Variants in SYT7 observed in about 807,000 individuals in gnomAD.
SYT7 encodes synaptotagmin 7, also known as synaptotagmin-7.
A neutral mutation model predicts 75.1 loss-of-function variants in SYT7; 29 were observed. That is an observed-to-expected ratio of 0.39 (90% CI 0.29 to 0.53). The LOEUF (loss-of-function observed/expected upper bound fraction) is 0.53. SYT7 is among the 20% of genes least tolerant of loss of function. The probability of loss-of-function intolerance (pLI) is 0.77; values close to 1 mark genes in which losing one functional copy is unlikely to be tolerated. For missense variants in SYT7, 693 were observed against 953.2 expected (o/e 0.73, Z 3.59); for synonymous variants, 376 against 401.7 (o/e 0.94, Z 0.76).
At chr11:61,539,776 G>T (rs1194172382) in intron 6 of SYT7, 1 of 152,170 alleles carries the variant, frequency 6.6e-6, no homozygotes, top group Non-Finnish European at 1.5e-5. Flanking sequence ...TTACCTCTGG[G>T]GTCTCAGTGA....
intron 1 of SYT7, among the ~76,000 whole-genome samples, chr11:61,559,944 A>T (rs1317120576): frequency 1.3e-5 from 2 of 152,226 alleles, no homozygotes; most frequent in Non-Finnish European, 2.9e-5. Context: ...CTAACCAGCC[A>T]TGTGGCCAGC....
chr11:61,564,811 G>A (rs2063724796), intron 1 of SYT7, among the ~76,000 whole-genome samples: 1 of 152,150 alleles, frequency 6.6e-6, no homozygotes, highest in South Asian at 2.1e-4. Flanking sequence ...ACCTTTTCTG[G>A]GGCTCCTTCC....
At chr11:61,564,163 G>A (rs188655533) in intron 1 of SYT7, among the ~76,000 whole-genome samples, 1 of 152,296 alleles carries the variant, frequency 6.6e-6, no homozygotes, top group South Asian at 2.1e-4. Flanking sequence ...CTGTAGCCTA[G>A]GTCAAGGTAC....
chr11:61,570,060 G>A (rs945955139), intron 1 of SYT7, among the ~76,000 whole-genome samples: 3 of 152,242 alleles, frequency 2.0e-5, no homozygotes, highest in Non-Finnish European at 2.9e-5. Context: ...ACAGCAACAC[G>A]ACCAGGAACT....
At chr11:61,559,279 G>C (rs943438888) in intron 1 of SYT7, among the ~76,000 whole-genome samples, 2 of 152,208 alleles carry the variant, frequency 1.3e-5, no homozygotes, top group Admixed American at 6.5e-5. Context: ...GTTTGGTGTA[G>C]TCTGAAGATG....
At position 61,517,693 on chromosome 11, in the gene SYT7, G is replaced by T. The variant is rs2062182813; in HGVS notation, c.*934C>A. The T allele has an allele frequency of 2.5e-6, 1 of 398,068 alleles. No homozygotes were observed. The highest frequency in any genetic ancestry group is 4.4e-6 in the Non-Finnish European group (1 of 226,190). 24.7% of individuals were successfully genotyped at this position (398,068 alleles called of 1,614,324 possible). The stretch of plus-strand genomic sequence containing the variant: ...TTAGGGCAAAGCTAGTCGGGGCTCG[G>T]GACCCCCTGAGAAGGAAGGGAGATG... On this transcript the variant is annotated 3_prime_UTR_variant, in exon 13 of 13. Coordinates refer to ENST00000539008, the MANE Select transcript of SYT7 (RefSeq NM_001365809.2).
chr11:61,534,459 G>A (rs1319478182), intron 7 of SYT7, among the ~76,000 whole-genome samples: 7 of 130,360 alleles, frequency 5.4e-5, no homozygotes, highest in African/African-American at 2.0e-4. Context: ...ACACGCACGT[G>A]CGTGCATATG....
At chr11:61,587,736 C>T in the SYT7 span, among the ~76,000 whole-genome samples, 1 of 152,184 alleles carries the variant, frequency 6.6e-6, no homozygotes, top group Non-Finnish European at 1.5e-5. Context: ...GACGGGCGCC[C>T]CCAACATTGA....
chr11:61,540,331 G>A, intron 6 of SYT7: 1 of 227,898 alleles, frequency 4.4e-6, no homozygotes, highest in African/African-American at 2.3e-5. Flanking sequence ...GGCAAGTAAA[G>A]AGCCTCAGAA....
intron 2 of SYT7, among the ~76,000 whole-genome samples, chr11:61,552,098 C>G (rs2063368309): frequency 6.6e-6 from 1 of 152,036 alleles, no homozygotes; most frequent in Non-Finnish European, 1.5e-5. Context: ...TGGGCCCCTG[C>G]CCCCCAGAGT....
At chr11:61,587,371 G>C in the SYT7 span, among the ~76,000 whole-genome samples, 1 of 152,354 alleles carries the variant, frequency 6.6e-6, no homozygotes, top group East Asian at 1.9e-4. Context: ...TTCCCGCCCA[G>C]CTGAGGCTGC....
intron 8 of SYT7, chr11:61,531,199 T>G: frequency 2.1e-6 from 2 of 936,128 alleles, no homozygotes; most frequent in Non-Finnish European, 2.5e-6. Flanking sequence ...AGCTGTGCAA[T>G]TAGACTCTGC....
chr11:61,575,906 G>A (rs576828118), intron 1 of SYT7, among the ~76,000 whole-genome samples: 13 of 152,194 alleles, frequency 8.5e-5, no homozygotes, highest in East Asian at 1.9e-4. Context: ...CCTTCCACCC[G>A]TGGGCTCAAT....
At chr11:61,536,544 G>C (rs2135188006) in intron 7 of SYT7, among the ~76,000 whole-genome samples, 1 of 152,334 alleles carries the variant, frequency 6.6e-6, no homozygotes, top group South Asian at 2.1e-4. Context: ...GGCTCAGGAA[G>C]TCACAGCTCC....
chr11:61,572,042 C>T (rs1462061105), intron 1 of SYT7, among the ~76,000 whole-genome samples: 1 of 152,188 alleles, frequency 6.6e-6, no homozygotes, highest in Non-Finnish European at 1.5e-5. Flanking sequence ...TTTTAGGCCT[C>T]AGCTGACAGG....
At chr11:61,558,781 C>T (rs1196544333) in intron 1 of SYT7, among the ~76,000 whole-genome samples, 1 of 152,102 alleles carries the variant, frequency 6.6e-6, no homozygotes, top group Non-Finnish European at 1.5e-5. Context: ...CTGCTCTTTT[C>T]ACCCAGGCTG....
At chr11:61,549,824 A>C (rs1053496986) in intron 3 of SYT7, among the ~76,000 whole-genome samples, 2 of 152,188 alleles carry the variant, frequency 1.3e-5, no homozygotes, top group Non-Finnish European at 2.9e-5. Flanking sequence ...CACTGGTCCC[A>C]GCCTGGCACA....
upstream of SYT7, among the ~76,000 whole-genome samples, chr11:61,584,117 C>T (rs1260539368): frequency 4.6e-5 from 7 of 152,156 alleles, no homozygotes; most frequent in East Asian, 7.7e-4. Flanking sequence ...GGACTGGGCG[C>T]GGTGGCTCAC....
At position 61,545,994 on chromosome 11, in the gene SYT7, C is replaced by T. The variant is rs1355096110; in HGVS notation, c.572+37G>A. The T allele has an allele frequency of 3.3e-6, 5 of 1,521,606 alleles. No homozygotes were observed. The African/African-American group carries it at 7.0e-5, about 21-fold the overall frequency. The allele number at this position is 1,521,606 out of a possible 1,614,324, so 94.3% of individuals were successfully genotyped here. On this transcript the variant is annotated intron_variant, in intron 5 of 12. Transcript: ENST00000539008. ...TCCACCCTGGCAGGGCAGGCCTGAG[C>T]TCATGGCTCCGGCAGCCATGGGGCG...
Sources: allele counts gnomAD v4.1 joint callset (sites outside exome capture counted in the v4.1 genomes callset), GRCh38; gene constraint gnomAD v4.1.1; transcripts MANE v1.5; gene names NCBI Gene and HGNC (gene_info 2026-07-23, HGNC 2026-07-21).